NRG3: variants seen among roughly 807,000 people sequenced by gnomAD.
The protein encoded by NRG3 is neuregulin 3.
Under a neutral mutation model 66.9 loss-of-function variants are expected in NRG3, and 31 were observed. That is an observed-to-expected ratio of 0.46 (90% CI 0.35 to 0.63). The LOEUF (loss-of-function observed/expected upper bound fraction) is 0.63. Ranked by LOEUF, NRG3 falls within the 20% of genes least tolerant of loss-of-function variation. The pLI, the probability that NRG3 is intolerant of heterozygous loss-of-function variation, is 0.00. For missense variants in NRG3, 910 were observed against 878.9 expected (o/e 1.04, Z -0.45); for synonymous variants, 393 against 359.4 (o/e 1.09, Z -1.06).
intron 1 of NRG3, among the ~76,000 whole-genome samples, chr10:82,089,179 T>C (rs2065889485): frequency 6.6e-6 from 1 of 151,878 alleles, no homozygotes. Context: ...TAGTAAAAGA[T>C]TGCCATATTA....
chr10:81,975,374 T>C (rs61862904), intron 1 of NRG3, among the ~76,000 whole-genome samples: 1 of 138,328 alleles, frequency 7.2e-6, no homozygotes, highest in Admixed American at 7.4e-5. Context: ...TCTATCTATC[T>C]ATTCATCCAT....
intron 4 of NRG3, among the ~76,000 whole-genome samples, chr10:82,931,061 G>C (rs1281522240): frequency 6.6e-6 from 1 of 152,032 alleles, no homozygotes; most frequent in South Asian, 2.1e-4. Context: ...GTTAAGACAG[G>C]CCCAGGGCAT....
rs565079884 is a variant in NRG3, at chr10:82,630,441, A to G, written c.954-108136A>G. 1.6e-4 allele frequency among the ~76,000 whole-genome samples: 24 copies of G among 151,382 alleles called. 1 individual carries two copies. In the East Asian group the frequency reaches 4.7e-3, roughly 30 times the overall value. On this transcript the variant is annotated intron_variant, in intron 2 of 8. Coordinates refer to ENST00000372141, the MANE Select transcript of NRG3 (RefSeq NM_001010848.4). Reference sequence around the variant, plus strand: ...AGGAAAAGTAGAAAGAAGATAAGTCAGTTCTAGTCCTAGCACCTAAACAGA... The same window carrying G: ...AGGAAAAGTAGAAAGAAGATAAGTCGGTTCTAGTCCTAGCACCTAAACAGA...
chr10:82,552,331 A>AT (rs1057203932), intron 2 of NRG3, among the ~76,000 whole-genome samples: 38 of 152,026 alleles, frequency 2.5e-4, no homozygotes, highest in African/African-American at 7.7e-4. Context: ...AAAGGTGATC[A>AT]TTTTTTTTAA....
intron 4 of NRG3, among the ~76,000 whole-genome samples, chr10:82,916,214 G>A (rs1845817558): frequency 6.6e-6 from 1 of 152,162 alleles, no homozygotes; most frequent in African/African-American, 2.4e-5. Context: ...CACTTTGGGA[G>A]GCCAAGTTAG....
At chr10:82,488,911 T>C (rs1842890967) in intron 2 of NRG3, among the ~76,000 whole-genome samples, 1 of 152,238 alleles carries the variant, frequency 6.6e-6, no homozygotes. Flanking sequence ...TTGCCTTGAA[T>C]TGTGAATTTT....
At chr10:82,138,999 C>A (rs533728974) in intron 1 of NRG3, among the ~76,000 whole-genome samples, 4 of 152,226 alleles carry the variant, frequency 2.6e-5, no homozygotes, top group African/African-American at 7.2e-5. Context: ...AAAGACATAT[C>A]CAGGAACAAT....
chr10:82,035,229 G>A (rs1425895433), intron 1 of NRG3, among the ~76,000 whole-genome samples: 2 of 152,092 alleles, frequency 1.3e-5, no homozygotes, highest in East Asian at 3.9e-4. Context: ...TCACCAAAAT[G>A]CTGCTGGAGG....
intron 2 of NRG3, among the ~76,000 whole-genome samples, chr10:82,650,592 A>G (rs1251054393): frequency 1.3e-5 from 2 of 152,234 alleles, no homozygotes; most frequent in Non-Finnish European, 2.9e-5. Flanking sequence ...CTAAAATTTC[A>G]GTAGGTTGCT....
intron 2 of NRG3, among the ~76,000 whole-genome samples, chr10:82,638,784 C>G: frequency 6.6e-6 from 1 of 152,022 alleles, no homozygotes; most frequent in East Asian, 1.9e-4. Context: ...GTAGCTGGGA[C>G]TACAGGCACG....
chr10:82,229,525 T>C (rs2076343110), intron 1 of NRG3, among the ~76,000 whole-genome samples: 1 of 152,204 alleles, frequency 6.6e-6, no homozygotes, highest in South Asian at 2.1e-4. Flanking sequence ...GGGTAATTTA[T>C]AAAGGAAAGA....
chr10:82,003,789 T>A (rs933184725), intron 1 of NRG3, among the ~76,000 whole-genome samples: 2 of 152,022 alleles, frequency 1.3e-5, no homozygotes, highest in Admixed American at 1.3e-4. Context: ...GAAGTTTGGC[T>A]AAGGGCAGCA....
intron 2 of NRG3, among the ~76,000 whole-genome samples, chr10:82,657,132 T>C (rs2133934683): frequency 6.6e-6 from 1 of 152,338 alleles, no homozygotes; most frequent in South Asian, 2.1e-4. Context: ...CTTGAAATCC[T>C]CATACTTTGC....
chr10:82,819,143 AT>A (rs1450272769), intron 3 of NRG3, among the ~76,000 whole-genome samples: 1 of 152,152 alleles, frequency 6.6e-6, no homozygotes, highest in South Asian at 2.1e-4. Context: ...AGGCACATTA[AT>A]TTTTTAAAAT....
intron 2 of NRG3, among the ~76,000 whole-genome samples, chr10:82,367,521 AT>A (rs869229816): frequency 6.6e-6 from 1 of 152,098 alleles, no homozygotes; most frequent in Non-Finnish European, 1.5e-5. Flanking sequence ...AAAATATTTA[AT>A]TTTAAAAAGA....
At chr10:82,215,989 A>G (rs1286813754) in intron 1 of NRG3, among the ~76,000 whole-genome samples, 2 of 57,580 alleles carry the variant, frequency 3.5e-5, no homozygotes. Flanking sequence ...TTTTTTTGAG[A>G]CAGAATTTCT....
intron 3 of NRG3, among the ~76,000 whole-genome samples, chr10:82,780,480 C>CTTTTTTTTTTTTTTTT (rs150086019): frequency 9.4e-6 from 1 of 106,096 alleles, no homozygotes; most frequent in African/African-American, 3.5e-5. Flanking sequence ...TTTTTCTTTT[C>CTTTTTTTTTTTTTTTT]TTTTTTTTTT....
chr10:82,258,307 C>T (rs193151725), intron 1 of NRG3, among the ~76,000 whole-genome samples: 3 of 152,256 alleles, frequency 2.0e-5, no homozygotes, highest in Admixed American at 2.0e-4. Context: ...TTTTCTATGA[C>T]TCATAATTAG....
chr10:82,823,880 A>T (rs78385411), intron 3 of NRG3, among the ~76,000 whole-genome samples: 486 of 152,300 alleles, frequency 3.2e-3, no homozygotes, highest in African/African-American at 0.011. Flanking sequence ...TTTAAAGTAT[A>T]AAATTTGGTA....
Sources: gnomAD v4.1 joint callset for allele counts (sites outside exome capture counted in the v4.1 genomes callset) on GRCh38, gnomAD v4.1.1 for gene constraint, MANE v1.5 for transcripts, NCBI Gene and HGNC (gene_info 2026-07-23, HGNC 2026-07-21) for gene names.